TPGS2: variants seen among roughly 807,000 people sequenced by gnomAD.
TPGS2 encodes tubulin polyglutamylase complex subunit 2.
In TPGS2, 26 loss-of-function variants were observed where a neutral mutation model predicts 31.1. The ratio of observed to expected loss-of-function variants is 0.84; its 90% CI spans 0.61 to 1.16. TPGS2 has a LOEUF of 1.16. Among genes scored for constraint, TPGS2 ranks in the 50% most tolerant of loss-of-function variants. The pLI, the probability that TPGS2 is intolerant of heterozygous loss-of-function variation, is 0.00. For synonymous variants in TPGS2, 130 were observed against 136.6 expected, an observed-to-expected ratio of 0.95 and a Z score of 0.34; for missense variants, 351 against 363.8, an observed-to-expected ratio of 0.96 and a Z score of 0.29.
intron 6 of TPGS2, among the ~76,000 whole-genome samples, chr18:36,787,579 C>T (rs2044169126): frequency 6.6e-6 from 1 of 152,208 alleles, no homozygotes; most frequent in African/African-American, 2.4e-5. Context: ...ACAGGAAGAG[C>T]TGGCTGCCTG....
intron 1 of TPGS2, among the ~76,000 whole-genome samples, chr18:36,819,189 T>C (rs1319983499): frequency 6.6e-6 from 1 of 152,184 alleles, no homozygotes; most frequent in Non-Finnish European, 1.5e-5. Context: ...AGAAAGGATA[T>C]CCACAGACTG....
At position 36,796,607 on chromosome 18, in the gene TPGS2, G is replaced by A; in HGVS notation, c.*198C>T. On this transcript the variant is annotated 3_prime_UTR_variant, in exon 7 of 7. Coordinates refer to ENST00000334295, the MANE Select transcript of TPGS2 (RefSeq NM_015476.4). ...TCCAAATTCCCCATTGCTTCCAGAGGCAGGGGACAGCACAACCTGCTCTGG... is the reference window on the plus strand; with the variant it reads ...TCCAAATTCCCCATTGCTTCCAGAGACAGGGGACAGCACAACCTGCTCTGG... 7.4e-7 allele frequency: 1 copy of A among 1,342,482 alleles called. No homozygotes were observed. The highest frequency in any genetic ancestry group is 2.2e-5 in the South Asian group (1 of 45,210). 83.2% of individuals were successfully genotyped at this position (1,342,482 alleles called of 1,614,324 possible). A position where few individuals can be genotyped will look rare whatever the true frequency, so the allele number is the denominator to read the frequency against.
At chr18:36,808,516 T>C (rs1442389309) in intron 2 of TPGS2, among the ~76,000 whole-genome samples, 1 of 151,974 alleles carries the variant, frequency 6.6e-6, no homozygotes, top group African/African-American at 2.4e-5. Flanking sequence ...CGGGCGCCTG[T>C]AGTCCCAGCT....
At chr18:36,785,865 CAA>C (rs1275524844) in intron 6 of TPGS2, among the ~76,000 whole-genome samples, 2 of 152,080 alleles carry the variant, frequency 1.3e-5, no homozygotes, top group Non-Finnish European at 2.9e-5. Flanking sequence ...AAGGGTCAAC[CAA>C]AAGACAGGCA....
At chr18:36,783,846 C>T (rs1180223788) in intron 6 of TPGS2, among the ~76,000 whole-genome samples, 1 of 152,170 alleles carries the variant, frequency 6.6e-6, no homozygotes, top group Non-Finnish European at 1.5e-5. Context: ...AGGGTCTTTG[C>T]AAATGTGATT....
chr18:36,781,279 G>A (rs2044006353), downstream of TPGS2, among the ~76,000 whole-genome samples: 1 of 152,160 alleles, frequency 6.6e-6, no homozygotes, highest in South Asian at 2.1e-4. Flanking sequence ...TCTGAAAACA[G>A]GGAAAGGTAA....
chr18:36,825,491 C>T (rs2046095948), intron 1 of TPGS2, among the ~76,000 whole-genome samples: 1 of 150,806 alleles, frequency 6.6e-6, no homozygotes, highest in Non-Finnish European at 1.5e-5. Flanking sequence ...TTTTTGGACT[C>T]TCAATCTTAT....
At chr18:36,820,786 G>A (rs1304532110) in intron 1 of TPGS2, among the ~76,000 whole-genome samples, 1 of 152,186 alleles carries the variant, frequency 6.6e-6, no homozygotes. Flanking sequence ...ACATTTTGCG[G>A]ATGTTTGGAA....
chr18:36,798,658 T>G, intron 5 of TPGS2, 49 bp from the exon 6 acceptor site: 2 of 1,582,382 alleles, frequency 1.3e-6, no homozygotes, highest in South Asian at 2.3e-5. Context: ...GCTTAACAGT[T>G]TTTTCTTTTT....
At chr18:36,782,070 CAT>C, downstream of TPGS2, 1 of 432,678 alleles carries the variant, frequency 2.3e-6, no homozygotes. Flanking sequence ...GTTTGTATGA[CAT>C]GAGATAATGA....
At chr18:36,802,801 T>C (rs1373674402) in intron 4 of TPGS2, among the ~76,000 whole-genome samples, 1 of 152,098 alleles carries the variant, frequency 6.6e-6, no homozygotes, top group African/African-American at 2.4e-5. Flanking sequence ...CTAATTTTTG[T>C]ACTTTTAGTA....
intron 1 of TPGS2, 21 bp from the exon 2 acceptor site, chr18:36,818,994 T>C (rs1469475666): frequency 1.2e-6 from 2 of 1,603,318 alleles, no homozygotes; most frequent in African/African-American, 1.3e-5. Flanking sequence ...AAAAAGAGTC[T>C]GTAGAGTTGC....
At chr18:36,800,122 C>T in intron 5 of TPGS2, 76 bp downstream of exon 5, 3 of 1,357,336 alleles carry the variant, frequency 2.2e-6, no homozygotes, top group Non-Finnish European at 1.0e-6. Flanking sequence ...TATGTGTCTC[C>T]TGAGCCATGG....
In TPGS2 at chr18:36,828,978, C is replaced by T; in HGVS notation, c.-211G>A. The T allele has an allele frequency of 1.9e-6, 2 of 1,067,024 alleles. No individual in the cohort carries two copies. Among genetic ancestry groups the T allele is most frequent in the South Asian group, 3.5e-5 (2 of 56,810 alleles). The allele number at this position is 1,067,024 out of a possible 1,614,324, so 66.1% of individuals were successfully genotyped here. On this transcript the variant is annotated 5_prime_UTR_variant, in exon 1 of 7. Coordinates refer to ENST00000334295, the MANE Select transcript of TPGS2 (RefSeq NM_015476.4). The stretch of plus-strand genomic sequence containing the variant: ...CCCCGCCCGGTGCCCCACACCGCAC[C>T]TCCGGGACGTAGCTTCCCCTTCGCC...
At chr18:36,807,563 T>A in intron 3 of TPGS2, 2 of 409,814 alleles carry the variant, frequency 4.9e-6, no homozygotes, top group Non-Finnish European at 8.6e-6. Flanking sequence ...GTGGCTAGGG[T>A]TTTTTATGTA....
intron 4 of TPGS2, among the ~76,000 whole-genome samples, chr18:36,800,833 G>C (rs999170741): frequency 6.6e-6 from 1 of 152,232 alleles, no homozygotes. Context: ...GGGACTACCG[G>C]CATGTGCCAC....
In TPGS2 at chr18:36,796,947, C is replaced by A; in HGVS notation, c.761G>T (p.Ser254Ile). Residue 254 changes from serine to isoleucine, a missense_variant, in exon 7 of 7, where the codon AGC becomes ATC. By Grantham distance (142) the Ser-to-Ile change is moderately radical (BLOSUM62 -2). Transcript: ENST00000334295. ...NKLDPSKVFKSKNKIVIPKKK... is the reference protein window; with the variant it reads ...NKLDPSKVFKIKNKIVIPKKK... ...TTTTGGGATTACGATCTTGTTCTTG[C>A]TCTTAAACACTTTGCTGGGATCTAG... 6.2e-7 allele frequency: 1 copy of A among 1,606,034 alleles called. No individual in the cohort carries two copies. Among genetic ancestry groups the A allele is most frequent in the Non-Finnish European group, 8.5e-7 (1 of 1,177,512 alleles).
In TPGS2 at chr18:36,796,861, A is replaced by C; in HGVS notation, c.847T>G (p.Ser283Ala). 11 of 1,607,712 alleles carry C rather than the reference A, an allele frequency of 6.8e-6. No homozygotes were observed. In the African/African-American group the frequency reaches 9.4e-5, roughly 14 times the overall value. ...GAGGATTTAGAAGTGGAGGAAGTGG[A>C]GGGACCGGAGGGTCCTGAGGGCCCT... Reference protein sequence around the residue: ...QKGPSGPSGPSTSSTSKSSSG... With the variant: ...QKGPSGPSGPATSSTSKSSSG... Residue 283 changes from serine (S) to alanine (A), a missense_variant, in exon 7 of 7, where the codon TCC becomes GCC. Coordinates refer to ENST00000334295, the MANE Select transcript of TPGS2 (RefSeq NM_015476.4).
At position 36,818,939 on chromosome 18, in the gene TPGS2, T is replaced by C. The variant is rs751164426; in HGVS notation, c.120A>G (p.Ile40Met). The change falls in exon 2 of 7, where the codon ATA (isoleucine) becomes ATG (methionine). Residue 40 changes from isoleucine to methionine, a missense_variant. By Grantham distance (10) the Ile-to-Met change is conservative (BLOSUM62 1). Coordinates refer to ENST00000334295, the MANE Select transcript of TPGS2 (RefSeq NM_015476.4). The stretch of plus-strand genomic sequence containing the variant: ...TATGACGTTCAGCAGGAGGCTTTTC[T>C]ATGATGGTCACCTCAGTCACACCTG... ...SSPGVTEVTI[I>M]EKPPAERHMI... 6.2e-7 allele frequency: 1 copy of C among 1,613,890 alleles called. No homozygotes were observed. Among genetic ancestry groups the C allele is most frequent in the East Asian group, 2.2e-5 (1 of 44,888 alleles).
Sources: gnomAD v4.1 joint callset for allele counts (sites outside exome capture counted in the v4.1 genomes callset) on GRCh38, gnomAD v4.1.1 for gene constraint, MANE v1.5 for transcripts, NCBI Gene and HGNC (gene_info 2026-07-23, HGNC 2026-07-21) for gene names.